GALNT14: variants seen among roughly 807,000 people sequenced by gnomAD.
GALNT14 encodes polypeptide N-acetylgalactosaminyltransferase 14, also known as UDP-GalNAc:polypeptide N-acetylgalactosaminyltransferase 14.
In GALNT14, 60 loss-of-function variants were observed where a neutral mutation model predicts 77.5. The observed-to-expected ratio is 0.77, with a 90% CI of 0.63 to 0.96. The LOEUF (loss-of-function observed/expected upper bound fraction) is 0.96. Among genes scored for constraint, GALNT14 ranks in the 40% least tolerant of loss-of-function variants. The pLI is 0.00. For missense variants in GALNT14, 710 were observed against 731.0 expected (o/e 0.97, Z 0.33); for synonymous variants, 280 against 281.7 (o/e 0.99, Z 0.06).
At chr2:31,050,706 T>C (rs978333039) in intron 1 of GALNT14, among the ~76,000 whole-genome samples, 8 of 152,036 alleles carry the variant, frequency 5.3e-5, no homozygotes, top group African/African-American at 1.9e-4. Context: ...GAGGGGTATA[T>C]GGAAACTCCC....
intron 1 of GALNT14, among the ~76,000 whole-genome samples, chr2:31,134,758 G>A (rs1382580419): frequency 6.6e-6 from 1 of 152,198 alleles, no homozygotes; most frequent in Non-Finnish European, 1.5e-5. Flanking sequence ...GGAAGCGGGT[G>A]GGGAATTCCT....
chr2:31,065,034 G>A (rs1427663307), intron 1 of GALNT14: 2 of 151,144 alleles, frequency 1.3e-5, no homozygotes, highest in Non-Finnish European at 2.9e-5. Context: ...ATGAAAAGTG[G>A]GGGAGATGGA....
chr2:30,986,057 T>C (rs1361130939), intron 2 of GALNT14, among the ~76,000 whole-genome samples: 4 of 152,156 alleles, frequency 2.6e-5, no homozygotes, highest in Admixed American at 6.5e-5. Context: ...CCACTGCCCC[T>C]TCATTTCCCA....
At chr2:31,070,356 A>G (rs1192612046) in intron 1 of GALNT14, among the ~76,000 whole-genome samples, 1 of 152,194 alleles carries the variant, frequency 6.6e-6, no homozygotes, top group Non-Finnish European at 1.5e-5. Flanking sequence ...AAACCTAGAC[A>G]TGGCCACACC....
chr2:31,027,208 G>A (rs1217128944), intron 1 of GALNT14, among the ~76,000 whole-genome samples: 1 of 152,206 alleles, frequency 6.6e-6, no homozygotes, highest in Non-Finnish European at 1.5e-5. Flanking sequence ...AAGGCGGGTG[G>A]ATCACCTGAG....
At chr2:31,013,021 C>G (rs951581999) in intron 1 of GALNT14, among the ~76,000 whole-genome samples, 1 of 152,178 alleles carries the variant, frequency 6.6e-6, no homozygotes, top group African/African-American at 2.4e-5. Context: ...CTCCAAGAAG[C>G]AGTGCAGGCA....
chr2:31,009,131 T>C (rs1227601506), intron 1 of GALNT14, among the ~76,000 whole-genome samples: 1 of 152,164 alleles, frequency 6.6e-6, no homozygotes, highest in Non-Finnish European at 1.5e-5. Flanking sequence ...GTTCTTACTG[T>C]AAACTGAGGG....
At chr2:31,016,067 G>A (rs1304978666) in intron 1 of GALNT14, among the ~76,000 whole-genome samples, 3 of 152,102 alleles carry the variant, frequency 2.0e-5, no homozygotes, top group South Asian at 4.2e-4. Flanking sequence ...GATCCGCTCG[G>A]GCTACCATCA....
intron 1 of GALNT14, among the ~76,000 whole-genome samples, chr2:31,058,906 T>C (rs1185699282): frequency 6.6e-6 from 1 of 152,174 alleles, no homozygotes; most frequent in Non-Finnish European, 1.5e-5. Context: ...TCTTTTTCAA[T>C]AGAAGATGTA....
chr2:31,102,357 A>AT (rs1233899465), intron 1 of GALNT14, among the ~76,000 whole-genome samples: 1 of 151,968 alleles, frequency 6.6e-6, no homozygotes, highest in Non-Finnish European at 1.5e-5. Context: ...GATTTCATTA[A>AT]TTGTTTTCCA....
intron 1 of GALNT14, among the ~76,000 whole-genome samples, chr2:31,005,973 G>C (rs1670647945): frequency 6.6e-6 from 1 of 152,218 alleles, no homozygotes; most frequent in Non-Finnish European, 1.5e-5. Flanking sequence ...ATTCTGGAGA[G>C]AGACTTGGGT....
At chr2:31,108,869 C>G (rs1220788632) in intron 1 of GALNT14, among the ~76,000 whole-genome samples, 1 of 152,196 alleles carries the variant, frequency 6.6e-6, no homozygotes, top group African/African-American at 2.4e-5. Context: ...TTGGAACAGG[C>G]AGACTGAAAA....
chr2:30,909,094 A>C (rs1664230310), downstream of GALNT14, among the ~76,000 whole-genome samples: 1 of 152,008 alleles, frequency 6.6e-6, no homozygotes, highest in Admixed American at 6.6e-5. Flanking sequence ...TAGACCTAAA[A>C]CCATAAAAAC....
chr2:30,976,382 C>A (rs1456073473), intron 2 of GALNT14, among the ~76,000 whole-genome samples: 1 of 152,244 alleles, frequency 6.6e-6, no homozygotes, highest in African/African-American at 2.4e-5. Context: ...CAGGATCCTT[C>A]TGTTTTTCTA....
At chr2:31,054,309 T>A (rs1339296498) in intron 1 of GALNT14, among the ~76,000 whole-genome samples, 1 of 152,196 alleles carries the variant, frequency 6.6e-6, no homozygotes, top group Non-Finnish European at 1.5e-5. Context: ...TCAAAGATGA[T>A]CTTAGCGTGG....
At chr2:31,121,124 A>T (rs1678391503) in intron 1 of GALNT14, among the ~76,000 whole-genome samples, 1 of 152,214 alleles carries the variant, frequency 6.6e-6, no homozygotes, top group South Asian at 2.1e-4. Flanking sequence ...GCATGGACTC[A>T]GACCTTCTGA....
chr2:31,015,096 C>T (rs1261452412), intron 1 of GALNT14, among the ~76,000 whole-genome samples: 1 of 151,984 alleles, frequency 6.6e-6, no homozygotes, highest in Non-Finnish European at 1.5e-5. Context: ...TTGAGACCAG[C>T]CTGACCAACT....
At chr2:31,018,343 AAG>A (rs1671510114) in intron 1 of GALNT14, among the ~76,000 whole-genome samples, 1 of 152,248 alleles carries the variant, frequency 6.6e-6, no homozygotes, top group Non-Finnish European at 1.5e-5. Context: ...TTATAAAGAA[AAG>A]AGGTTTAACT....
intron 1 of GALNT14, among the ~76,000 whole-genome samples, chr2:31,027,138 A>G (rs554489530): frequency 8.5e-5 from 13 of 152,370 alleles, no homozygotes; most frequent in African/African-American, 3.1e-4. Context: ...ATGAGTGTTA[A>G]AAACAGGCCC....
Sources: allele counts gnomAD v4.1 joint callset (sites outside exome capture counted in the v4.1 genomes callset), GRCh38; gene constraint gnomAD v4.1.1; transcripts MANE v1.5; gene names NCBI Gene and HGNC (gene_info 2026-07-23, HGNC 2026-07-21).